The following DACH2 variants were observed in gnomAD, a reference collection of about 807,000 sequenced individuals.
DACH2 encodes the protein dachshund homolog 2.
In DACH2, 17 loss-of-function variants were observed where a neutral mutation model predicts 35.8. The ratio of observed to expected loss-of-function variants is 0.48; its 90% CI spans 0.33 to 0.71. The LOEUF (loss-of-function observed/expected upper bound fraction) is 0.71, where lower values mean the gene tolerates loss of function less well. Ranked by LOEUF, DACH2 falls within the 30% of genes least tolerant of loss-of-function variation. The pLI is 0.02. For synonymous variants in DACH2, 195 were observed against 177.3 expected (o/e 1.10, Z -0.79); for missense variants, 469 against 472.7 (o/e 0.99, Z 0.07).
intron 1 of DACH2, among the ~76,000 whole-genome samples, chrX:86,238,641 T>C (rs985540978): frequency 9.0e-6 from 1 of 110,948 alleles, no homozygotes; most frequent in Non-Finnish European, 1.9e-5. Context: ...ATAAAATTGC[T>C]CTCTGCCTCT....
chrX:86,664,673 A>G (rs2040645711), intron 4 of DACH2, among the ~76,000 whole-genome samples: 1 of 112,187 alleles, frequency 8.9e-6, no homozygotes, highest in African/African-American at 3.2e-5. Flanking sequence ...ACATGTTAAA[A>G]GAAAAGCCCA....
chrX:86,240,728 T>C (rs1288319830), intron 1 of DACH2, among the ~76,000 whole-genome samples: 1 of 110,699 alleles, frequency 9.0e-6, no homozygotes, highest in African/African-American at 3.3e-5. Flanking sequence ...ACCTACATGT[T>C]AGGGGAGGGA....
rs889329580 is a variant in DACH2 at position 86,323,346 on chromosome X, A to T, written c.489-53478A>T. On this transcript the variant is annotated intron_variant, in intron 1 of 11. Coordinates refer to ENST00000373125, the MANE Select transcript of DACH2 (RefSeq NM_053281.3). ...TCACTGGGGTAGGGAGTAACCTCCT[A>T]CTCAACCCCAGGAAGTGTTATCATT... Among the ~76,000 whole-genome samples, 18 of 111,828 alleles carry T rather than the reference A, an allele frequency of 1.6e-4. 1 individual carries two copies. Among genetic ancestry groups the T allele is most frequent in the African/African-American group, 2.9e-4 (9 of 30,710 alleles).
At position 86,319,467 on chromosome X, in the gene DACH2, A is replaced by C. The variant is rs887489394; in HGVS notation, c.489-57357A>C. Reference sequence around the variant, plus strand: ...ATGTAAAACCTGATACGTTGTTTTAATTATGTACTAGATACAGATAAAGTA... The same window carrying C: ...ATGTAAAACCTGATACGTTGTTTTACTTATGTACTAGATACAGATAAAGTA... On this transcript the variant is annotated intron_variant, in intron 1 of 11. Coordinates refer to ENST00000373125, the MANE Select transcript of DACH2 (RefSeq NM_053281.3). Among the ~76,000 whole-genome samples, 3 of 111,882 alleles carry C rather than the reference A, an allele frequency of 2.7e-5. No individual in the cohort carries two copies. The South Asian group carries it at 1.1e-3, about 41-fold the overall frequency.
At chrX:86,692,973 A>T (rs186286405) in intron 4 of DACH2, among the ~76,000 whole-genome samples, 4 of 112,422 alleles carry the variant, frequency 3.6e-5, no homozygotes, top group Non-Finnish European at 5.6e-5. Context: ...TCATTACAGT[A>T]TAACAATGTC....
chrX:86,293,892 A>G (rs77282870), intron 1 of DACH2, among the ~76,000 whole-genome samples: 1 of 110,485 alleles, frequency 9.1e-6, no homozygotes, highest in Non-Finnish European at 1.9e-5. Flanking sequence ...GAATCTGACA[A>G]TTATGTGTCT....
At chrX:86,645,558 C>A (rs2040405419) in intron 3 of DACH2, among the ~76,000 whole-genome samples, 1 of 110,062 alleles carries the variant, frequency 9.1e-6, no homozygotes, top group South Asian at 3.8e-4. Flanking sequence ...GGGTATATAC[C>A]CAGAAGAATA....
At chrX:86,346,787 C>G (rs984643830) in intron 1 of DACH2, among the ~76,000 whole-genome samples, 2 of 111,428 alleles carry the variant, frequency 1.8e-5, no homozygotes, top group East Asian at 5.7e-4. Context: ...GAAATGTGAC[C>G]ACATACAATC....
chrX:86,569,508 C>T (rs1248426059), intron 3 of DACH2, among the ~76,000 whole-genome samples: 1 of 111,186 alleles, frequency 9.0e-6, no homozygotes, highest in Non-Finnish European at 1.9e-5. Flanking sequence ...TTCACCTGAG[C>T]TCCAGATTAT....
chrX:86,523,389 A>G (rs762706087), intron 3 of DACH2, among the ~76,000 whole-genome samples: 9 of 111,807 alleles, frequency 8.0e-5, no homozygotes, highest in Non-Finnish European at 1.7e-4. Flanking sequence ...GGTCATAAAG[A>G]GATGTCCTAG....
intron 1 of DACH2, among the ~76,000 whole-genome samples, chrX:86,333,546 G>A (rs2035248854): frequency 9.0e-6 from 1 of 111,350 alleles, no homozygotes. Context: ...GTAACTAGTG[G>A]ACAAGTCCAA....
At chrX:86,809,909 C>T (rs1451666099) in intron 7 of DACH2, among the ~76,000 whole-genome samples, 1 of 110,951 alleles carries the variant, frequency 9.0e-6, no homozygotes, top group Non-Finnish European at 1.9e-5. Context: ...ATGTGTCTCT[C>T]TTGAGCCACA....
At chrX:86,830,966 G>T (rs994128865) in intron 11 of DACH2, 2 of 111,322 alleles carry the variant, frequency 1.8e-5, no homozygotes, top group Non-Finnish European at 3.8e-5. Flanking sequence ...CCCTGGAAAA[G>T]TTTAAGTGAA....
At chrX:86,705,893 C>G (rs1025540220) in intron 5 of DACH2, among the ~76,000 whole-genome samples, 8 of 111,880 alleles carry the variant, frequency 7.2e-5, no homozygotes, top group African/African-American at 2.6e-4. Context: ...TATGTATACA[C>G]CATGGAATAC....
intron 1 of DACH2, among the ~76,000 whole-genome samples, chrX:86,354,854 A>G (rs1193632807): frequency 6.6e-5 from 1 of 15,164 alleles, no homozygotes; most frequent in Non-Finnish European, 1.1e-4. Flanking sequence ...AAATGAAAAA[A>G]AAAAACAAAA....
At chrX:86,801,225 TA>T (rs201935094) in intron 7 of DACH2, among the ~76,000 whole-genome samples, 24,051 of 106,168 alleles carry the variant, frequency 0.23, 2,516 homozygotes, top group South Asian at 0.39. Context: ...TTTTTTTTTT[TA>T]AATTTTTTGA....
At chrX:86,469,690 A>G (rs952501079) in intron 2 of DACH2, among the ~76,000 whole-genome samples, 2 of 111,042 alleles carry the variant, frequency 1.8e-5, no homozygotes, top group African/African-American at 3.3e-5. Context: ...TAGAGGAGAT[A>G]TGACAATAAA....
At position 86,813,403 on chromosome X, in the gene DACH2, C is replaced by A. The variant is rs1211711830; in HGVS notation, c.1537+126C>A. ...GGATCACGAGGTCAGGAGATTGAGACCATCCTGGCTAACACGGAGAAACCC... is the reference window on the plus strand; with the variant it reads ...GGATCACGAGGTCAGGAGATTGAGAACATCCTGGCTAACACGGAGAAACCC... On this transcript the variant is annotated intron_variant, in intron 9 of 11. Transcript: ENST00000373125. 1.5e-5 allele frequency: 8 copies of A among 522,329 alleles called. No homozygotes were observed. In the African/African-American group the frequency reaches 2.1e-4, roughly 14 times the overall value. The allele number at this position is 522,329 out of a possible 1,213,427, so 43.0% of individuals were successfully genotyped here. A position where few individuals can be genotyped will look rare whatever the true frequency, so the allele number is the denominator to read the frequency against.
In DACH2 at chrX:86,415,566, G is replaced by C. The variant is rs192217943; in HGVS notation, c.527+38704G>C. On this transcript the variant is annotated intron_variant, in intron 2 of 11. Coordinates refer to ENST00000373125, the MANE Select transcript of DACH2 (RefSeq NM_053281.3). The stretch of plus-strand genomic sequence containing the variant: ...CAGGAGATTATCTTGCCTTGGTGTA[G>C]CTTTTTCTTTAAGTCCTCCTTTATT... Among the ~76,000 whole-genome samples the C allele has an allele frequency of 1.4e-4, 16 of 111,892 alleles. No individual in the cohort carries two copies. The East Asian group carries it at 3.9e-3, about 27-fold the overall frequency.
Sources: gnomAD v4.1 joint callset for allele counts (sites outside exome capture counted in the v4.1 genomes callset) on GRCh38, gnomAD v4.1.1 for gene constraint, MANE v1.5 for transcripts, NCBI Gene and HGNC (gene_info 2026-07-23, HGNC 2026-07-21) for gene names.